PHACTR3: variants seen among roughly 807,000 people sequenced by gnomAD.
PHACTR3 encodes protein phosphatase 1, regulatory subunit 123.
A neutral mutation model predicts 66.8 loss-of-function variants in PHACTR3; 16 were observed. That is an observed-to-expected ratio of 0.24 (90% CI 0.16 to 0.36). The LOEUF is 0.36. Ranked by LOEUF, PHACTR3 falls within the 10% of genes least tolerant of loss-of-function variation. PHACTR3 has a pLI of 1.00. For missense variants in PHACTR3, 647 were observed against 719.9 expected (o/e 0.90, Z 1.16); for synonymous variants, 323 against 292.1 (o/e 1.11, Z -1.08).
rs556217703 is a variant in PHACTR3 at position 59,589,464 on chromosome 20, G to A, written c.109+11847G>A. Among the ~76,000 whole-genome samples the A allele has an allele frequency of 4.6e-5, 7 of 152,288 alleles. No individual in the cohort carries two copies. The South Asian group carries it at 8.3e-4, about 18-fold the overall frequency. On this transcript the variant is annotated intron_variant, in intron 1 of 12. Transcript: ENST00000359926. ...ATCATCATTGCTACGGCTGCAGAAC[G>A]TAAGATCTATTTTTAAAGCACTACC...
At position 59,620,454 on chromosome 20, in the gene PHACTR3, G is replaced by A. The variant is rs141525014; in HGVS notation, c.118+15322G>A. Among the ~76,000 whole-genome samples the A allele has an allele frequency of 5.6e-4, 85 of 152,326 alleles. No individual in the cohort carries two copies. The East Asian group carries it at 0.015, about 28-fold the overall frequency. ...CGGCCAGCATGTCTCCTTAGCGTCC[G>A]CCAATGTGGAACAGTTCCTTAGTGT... On this transcript the variant is annotated intron_variant, in intron 1 of 12. Coordinates refer to ENST00000371015, the MANE Select transcript of PHACTR3 (RefSeq NM_080672.5).
chr20:59,790,556 C>T (rs2041059797), intron 7 of PHACTR3, among the ~76,000 whole-genome samples: 1 of 152,122 alleles, frequency 6.6e-6, no homozygotes, highest in Non-Finnish European at 1.5e-5. Flanking sequence ...GTGAGCTGGA[C>T]CAATAAATGA....
intron 1 of PHACTR3, among the ~76,000 whole-genome samples, chr20:59,741,139 C>T (rs112293477): frequency 2.0e-5 from 3 of 152,254 alleles, no homozygotes; most frequent in Admixed American, 6.5e-5. Flanking sequence ...TTAGCCACAC[C>T]GTCCAGCCCT....
At chr20:59,679,879 G>A (rs545397640) in intron 1 of PHACTR3, among the ~76,000 whole-genome samples, 29 of 152,244 alleles carry the variant, frequency 1.9e-4, no homozygotes, top group African/African-American at 4.6e-4. Flanking sequence ...GGTCCCTCCC[G>A]CAACACGTGG....
At chr20:59,619,006 T>C (rs2034137972) in intron 1 of PHACTR3, among the ~76,000 whole-genome samples, 1 of 152,192 alleles carries the variant, frequency 6.6e-6, no homozygotes. Context: ...GCAAAGGTTC[T>C]TTTCCTGGCA....
chr20:59,772,051 T>C (rs537271699), intron 5 of PHACTR3, among the ~76,000 whole-genome samples: 12 of 152,378 alleles, frequency 7.9e-5, no homozygotes, highest in African/African-American at 2.9e-4. Flanking sequence ...AAGGAGCTGA[T>C]GGTCTCATTT....
At chr20:59,805,270 C>T (rs1369933076) in intron 7 of PHACTR3, among the ~76,000 whole-genome samples, 3 of 152,212 alleles carry the variant, frequency 2.0e-5, no homozygotes, top group Admixed American at 6.5e-5. Context: ...ACACATAGAA[C>T]ACAAGGGCTG....
At chr20:59,790,494 C>T (rs553930928) in intron 7 of PHACTR3, among the ~76,000 whole-genome samples, 32 of 152,294 alleles carry the variant, frequency 2.1e-4, no homozygotes, top group African/African-American at 6.0e-4. Flanking sequence ...ACATTTTCTG[C>T]GGCTTTGGTT....
chr20:59,616,256 C>T (rs2034020096), intron 1 of PHACTR3, among the ~76,000 whole-genome samples: 1 of 152,100 alleles, frequency 6.6e-6, no homozygotes, highest in Non-Finnish European at 1.5e-5. Context: ...TCCTGGTCAC[C>T]ATGAGCTAGC....
intron 1 of PHACTR3, among the ~76,000 whole-genome samples, chr20:59,594,060 A>G (rs575155719): frequency 5.0e-4 from 76 of 152,322 alleles, no homozygotes; most frequent in African/African-American, 1.8e-3. Context: ...GATTGCATTG[A>G]ATTTACGGGT....
intron 1 of PHACTR3, among the ~76,000 whole-genome samples, chr20:59,742,483 C>T (rs1458287323): frequency 1.3e-5 from 2 of 151,582 alleles, no homozygotes; most frequent in Admixed American, 1.3e-4. Context: ...CAGACGTGCT[C>T]ACTCTGCAGC....
intron 8 of PHACTR3, among the ~76,000 whole-genome samples, chr20:59,831,180 C>T (rs377231815): frequency 1.3e-5 from 2 of 152,186 alleles, no homozygotes; most frequent in South Asian, 2.1e-4. Flanking sequence ...CCCTTGGCCC[C>T]CAGAAATGAC....
At chr20:59,632,705 T>G (rs1417265721) in intron 1 of PHACTR3, among the ~76,000 whole-genome samples, 1 of 152,220 alleles carries the variant, frequency 6.6e-6, no homozygotes, top group African/African-American at 2.4e-5. Flanking sequence ...CATTTCTGAT[T>G]ATTACAGGGA....
At chr20:59,803,102 A>G (rs1450516547) in intron 7 of PHACTR3, among the ~76,000 whole-genome samples, 2 of 152,124 alleles carry the variant, frequency 1.3e-5, no homozygotes, top group African/African-American at 2.4e-5. Context: ...GTCTTTGAAG[A>G]GCTCTAGCCC....
At chr20:59,832,606 G>A (rs924635460) in intron 8 of PHACTR3, among the ~76,000 whole-genome samples, 1 of 152,128 alleles carries the variant, frequency 6.6e-6, no homozygotes, top group African/African-American at 2.4e-5. Flanking sequence ...TCTAGTCCTG[G>A]CACGCCCACA....
At chr20:59,716,049 C>T (rs2038079868) in intron 1 of PHACTR3, among the ~76,000 whole-genome samples, 1 of 152,098 alleles carries the variant, frequency 6.6e-6, no homozygotes, top group African/African-American at 2.4e-5. Flanking sequence ...TGGCTGTGAG[C>T]TCTGGGTCCC....
chr20:59,598,158 G>A (rs1397414233), intron 1 of PHACTR3, among the ~76,000 whole-genome samples: 4 of 152,184 alleles, frequency 2.6e-5, no homozygotes, highest in Admixed American at 1.3e-4. Context: ...TCCCTGCCCC[G>A]GGTTGTGTTT....
At chr20:59,713,218 T>C (rs1434269028) in intron 1 of PHACTR3, among the ~76,000 whole-genome samples, 1 of 152,208 alleles carries the variant, frequency 6.6e-6, no homozygotes, top group Non-Finnish European at 1.5e-5. Context: ...TTCCAACTAC[T>C]TGAGTTTTTT....
In PHACTR3 at chr20:59,830,179, G is replaced by GAGT. The variant is rs879768253; in HGVS notation, c.1329-6326_1329-6325insAGT. Among the ~76,000 whole-genome samples, 1 of 150,980 alleles carries GAGT rather than the reference G, an allele frequency of 6.6e-6. No homozygotes were observed. The highest frequency in any genetic ancestry group is 2.5e-5 in the African/African-American group (1 of 40,438). On this transcript the variant is annotated intron_variant, in intron 8 of 12. Coordinates refer to ENST00000371015, the MANE Select transcript of PHACTR3 (RefSeq NM_080672.5). The surrounding 1 kb of genome is among the most constrained non-coding windows in gnomAD (Gnocchi z 5.8). ...GTGCGTGTCTGGTGGAAGAGGGTGT[G>GAGT]CGTGTCTGATGGAAGAGGGTATGAG...
Sources: gnomAD v4.1 joint callset for allele counts (sites outside exome capture counted in the v4.1 genomes callset) on GRCh38, gnomAD v4.1.1 for gene constraint, Gnocchi (gnomAD v3.1) non-coding constraint, MANE v1.5 for transcripts, NCBI Gene and HGNC (gene_info 2026-07-23, HGNC 2026-07-21) for gene names.